CLPTM1: variants seen among roughly 807,000 people sequenced by gnomAD.
CLPTM1 encodes putative lipid scramblase CLPTM1.
Under a neutral mutation model 77.3 loss-of-function variants are expected in CLPTM1, and 21 were observed. The ratio of observed to expected loss-of-function variants is 0.27; its 90% confidence interval spans 0.19 to 0.39. The LOEUF (loss-of-function observed/expected upper bound fraction) is 0.39. CLPTM1 is among the 10% of genes least tolerant of loss of function. The pLI is 1.00. For missense variants in CLPTM1, 642 were observed against 921.2 expected (o/e 0.70, Z 3.92); for synonymous variants, 373 against 381.0 (o/e 0.98, Z 0.24).
At position 44,985,099 on chromosome 19, in the gene CLPTM1, G is replaced by A. The variant is rs1313833725; in HGVS notation, c.587-119G>A. On this transcript the variant is annotated intron_variant, in intron 5 of 13. Coordinates refer to ENST00000337392, the MANE Select transcript of CLPTM1 (RefSeq NM_001294.4). The stretch of plus-strand genomic sequence containing the variant: ...CCAGGTCACATTGATCTCAGCAGGT[G>A]AGTGCAAGGTGGATGCCAGGAGACC... 6 of 662,910 alleles carry A rather than the reference G, an allele frequency of 9.1e-6. No homozygotes were observed. The East Asian group carries it at 1.6e-4, about 18-fold the overall frequency. The allele number at this position is 662,910 out of a possible 1,614,324, so 41.1% of individuals were successfully genotyped here. A position where few individuals can be genotyped will look rare whatever the true frequency, so the allele number is the denominator to read the frequency against.
intron 5 of CLPTM1, among the ~76,000 whole-genome samples, chr19:44,980,557 G>A (rs374407644): frequency 2.7e-5 from 4 of 149,436 alleles, no homozygotes; most frequent in African/African-American, 9.8e-5. Flanking sequence ...ATCCCCAAGA[G>A]GCCAATAATC....
chr19:44,964,188 G>A lies in CLPTM1; in HGVS notation c.185+2113G>A, dbSNP rs182295958. Among the ~76,000 whole-genome samples, 280 of 152,032 alleles carry A rather than the reference G, an allele frequency of 1.8e-3. 1 individual carries two copies. Among genetic ancestry groups the A allele is most frequent in the Non-Finnish European group, 3.6e-3 (246 of 68,008 alleles). On this transcript the variant is annotated intron_variant, in intron 2 of 13. Coordinates refer to ENST00000337392, the MANE Select transcript of CLPTM1 (RefSeq NM_001294.4). ...GGACCCTGTCTCTAAATCTAGTCAC[G>A]GTGGTACTGAAGGTTGAGACTTTAA... is the stretch of plus-strand genomic sequence containing the variant.
chr19:44,973,257 A>C, intron 3 of CLPTM1, 47 bp downstream of exon 3: 1 of 1,612,536 alleles, frequency 6.2e-7, no homozygotes, highest in East Asian at 2.2e-5. Context: ...TGGGGTGTGG[A>C]GGGGTGGAAT....
chr19:44,987,818 T>C (rs1971005754), intron 8 of CLPTM1: 1 of 575,980 alleles, frequency 1.7e-6, no homozygotes, highest in Non-Finnish European at 3.1e-6. Flanking sequence ...TCTCTGCTCC[T>C]GGCTCCCAGT....
Position 44,977,372 on chromosome 19 carries a change from C to T in CLPTM1, c.498C>T (p.Ile166=), listed in dbSNP as rs780159953. ...TCCAGCAGAACGGCTCCATCTACAT[C>T]CACGTTTACTTCACCAAGAGTGGCT... is the stretch of plus-strand genomic sequence containing the variant. The part of the protein sequence containing the change: ...QSVQQNGSIY[I]HVYFTKSGFH... Residue 166 remains isoleucine, a synonymous_variant, in exon 5 of 14, where the codon ATC becomes ATT. Transcript: ENST00000337392. 96 of 1,610,296 alleles carry T rather than the reference C, an allele frequency of 6.0e-5. No individual in the cohort carries two copies. The highest frequency in any genetic ancestry group is 8.0e-5 in the Non-Finnish European group (94 of 1,179,966).
chr19:44,983,402 C>T (rs1219211683), intron 5 of CLPTM1, among the ~76,000 whole-genome samples: 4 of 151,540 alleles, frequency 2.6e-5, no homozygotes, highest in Admixed American at 6.6e-5. Context: ...GGGCAGATCA[C>T]GAGGCCAGGA....
intron 5 of CLPTM1, among the ~76,000 whole-genome samples, chr19:44,977,888 G>A (rs1233842645): frequency 6.6e-6 from 1 of 152,140 alleles, no homozygotes; most frequent in Non-Finnish European, 1.5e-5. Flanking sequence ...GACAAGGTGG[G>A]CAGATTGCTT....
Position 44,974,402 on chromosome 19 carries a change from A to G in CLPTM1, c.310-37A>G, listed in dbSNP as rs866384822. On this transcript the variant is annotated intron_variant, in intron 3 of 13. Transcript: ENST00000337392. ...TAGCCAGCCTGCAGAGGCTCTGAAG[A>G]GCAGGCCTGAGCTCTGTTCCCTTCC... The G allele has an allele frequency of 6.3e-6, 10 of 1,584,690 alleles. No homozygotes were observed. In the African/African-American group the frequency reaches 1.2e-4, roughly 19 times the overall value.
At chr19:44,954,964 G>A (rs1285186379), upstream of CLPTM1, 11 of 1,533,894 alleles carry the variant, frequency 7.2e-6, no homozygotes, top group Non-Finnish European at 9.6e-6. Context: ...TGACGAAAGA[G>A]GGGCGTGGTT....
chr19:44,986,598 C>T, intron 7 of CLPTM1, 23 bp downstream of exon 7: 1 of 1,611,120 alleles, frequency 6.2e-7, no homozygotes. Context: ...GCCCTGCCAG[C>T]TGCCTGCAGA....
intron 5 of CLPTM1, among the ~76,000 whole-genome samples, chr19:44,980,826 C>A (rs989140455): frequency 1.3e-5 from 2 of 151,312 alleles, no homozygotes; most frequent in Non-Finnish European, 2.9e-5. Context: ...TATTTTATTT[C>A]ATTTTATTTA....
intron 2 of CLPTM1, among the ~76,000 whole-genome samples, chr19:44,969,169 G>A (rs1037629786): frequency 1.3e-5 from 2 of 152,168 alleles, no homozygotes; most frequent in African/African-American, 4.8e-5. Flanking sequence ...TGAGGTACGT[G>A]TGCGTGTGTC....
In CLPTM1 at chr19:44,973,143, A is replaced by G; in HGVS notation, c.242A>G (p.Asp81Gly). ...TTCCGCCGAGGGCCGGCCCCTCAGG[A>G]CCAGGCGGGCCCCGGAGGAGCTCCA... is the stretch of plus-strand genomic sequence containing the variant. ...SWFRRGPAPQDQAGPGGAPRV... is the reference protein window; with the variant it reads ...SWFRRGPAPQGQAGPGGAPRV... Residue 81 changes from aspartate (D) to glycine (G), a missense_variant, in exon 3 of 14, where the codon GAC becomes GGC. By Grantham distance (94) the Asp-to-Gly change is moderately conservative. Transcript: ENST00000337392. The G allele has an allele frequency of 6.2e-7, 1 of 1,614,046 alleles. No homozygotes were observed. Among genetic ancestry groups the G allele is most frequent in the Non-Finnish European group, 8.5e-7 (1 of 1,179,964 alleles).
intron 5 of CLPTM1, among the ~76,000 whole-genome samples, chr19:44,977,719 C>G (rs894435277): frequency 6.6e-6 from 1 of 152,164 alleles, no homozygotes; most frequent in Middle Eastern, 3.2e-3. Flanking sequence ...GAAAAAGCAG[C>G]TGGAGACAGG....
chr19:44,984,848 G>T (rs1467139949), intron 5 of CLPTM1, among the ~76,000 whole-genome samples: 3 of 152,068 alleles, frequency 2.0e-5, no homozygotes, highest in African/African-American at 7.2e-5. Flanking sequence ...CACCACATCC[G>T]GCTGATTTTT....
At chr19:44,969,657 A>G (rs181550345) in intron 2 of CLPTM1, among the ~76,000 whole-genome samples, 3 of 151,106 alleles carry the variant, frequency 2.0e-5, no homozygotes, top group Non-Finnish European at 4.4e-5. Flanking sequence ...AGAATAAATC[A>G]AGAAGGAATA....
chr19:44,976,326 A>AAAAGGCAGG (rs1322280222), intron 4 of CLPTM1, among the ~76,000 whole-genome samples: 1 of 152,230 alleles, frequency 6.6e-6, no homozygotes, highest in Non-Finnish European at 1.5e-5. Flanking sequence ...AAGTGGACTT[A>AAAAGGCAGG]AAAGGCAGGA....
rs777385120 is a variant in CLPTM1 at position 44,992,432 on chromosome 19, C to T, written c.1723+32C>T. The T allele has an allele frequency of 8.7e-5, 140 of 1,613,302 alleles. No individual in the cohort carries two copies. In the East Asian group the frequency reaches 1.6e-3, roughly 19 times the overall value. On this transcript the variant is annotated intron_variant, in intron 13 of 13. Coordinates refer to ENST00000337392, the MANE Select transcript of CLPTM1 (RefSeq NM_001294.4). The surrounding 1 kb of genome is among the most constrained non-coding windows in gnomAD (Gnocchi z 7.7). ...CCCGGTGGGCAGGTGGGAGCTCCCA[C>T]CGGAACAGGGCCCTGAGGCAGTCTT...
In CLPTM1 at chr19:44,955,411, G is replaced by A. The variant is rs1970444967; in HGVS notation, c.16G>A (p.Glu6Lys). 4.5e-6 allele frequency: 6 copies of A among 1,340,338 alleles called. No homozygotes were observed. Among genetic ancestry groups the A allele is most frequent in the Non-Finnish European group, 5.7e-6 (6 of 1,045,962 alleles). 83.0% of individuals were successfully genotyped at this position (1,340,338 alleles called of 1,614,324 possible). The part of the protein sequence containing the change: MAAAQ[E>K]ADGARSAVVA... The stretch of plus-strand genomic sequence containing the variant: ...GAGCGGGAAGATGGCGGCGGCGCAG[G>A]AGGCGGACGGGGCCCGCAGCGCCGT... Residue 6 changes from glutamate (E) to lysine (K), a missense_variant, in exon 1 of 14, where the codon GAG (glutamate) becomes AAG (lysine). Physicochemically the swap from Glu to Lys is moderately conservative, Grantham distance 56. Coordinates refer to ENST00000337392, the MANE Select transcript of CLPTM1 (RefSeq NM_001294.4).
Sources: gnomAD v4.1 joint callset for allele counts (sites outside exome capture counted in the v4.1 genomes callset) on GRCh38, gnomAD v4.1.1 for gene constraint, Gnocchi (gnomAD v3.1) non-coding constraint, MANE v1.5 for transcripts, NCBI Gene and HGNC (gene_info 2026-07-23, HGNC 2026-07-21) for gene names.